The following ABCA13 variants were observed in gnomAD, a reference collection of about 807,000 sequenced individuals.
ABCA13 encodes the protein ATP binding cassette subfamily A member 13, also known as ATP-binding cassette sub-family A member 13.
Under a neutral mutation model 478.7 loss-of-function variants are expected in ABCA13, and 476 were observed. The observed-to-expected ratio is 0.99, with a 90% CI of 0.92 to 1.07. ABCA13 has a LOEUF of 1.07. Among genes scored for constraint, ABCA13 ranks in the 50% least tolerant of loss-of-function variants. ABCA13 has a pLI of 0.00. For missense variants in ABCA13, 6,060 were observed against 5,910.6 expected (o/e 1.03, Z -0.83); for synonymous variants, 2,252 against 2,158.9 (o/e 1.04, Z -1.20).
rs1271945393 is a variant in ABCA13, at chr7:48,188,385, C to G, written c.70-4574C>G. Among the ~76,000 whole-genome samples, 3 of 152,252 alleles carry G rather than the reference C, an allele frequency of 2.0e-5. No individual in the cohort carries two copies. The East Asian group carries it at 5.8e-4, about 29-fold the overall frequency. On this transcript the variant is annotated intron_variant, in intron 1 of 61. Transcript: ENST00000435803. ...TCATTCTCAGTAGCAGTTTTTCCAA[C>G]TCCTCTGTCAGAAGCAGGAGATAAG... is the stretch of plus-strand genomic sequence containing the variant.
chr7:48,471,422 A>G, intron 44 of ABCA13, 108 bp from the exon 45 acceptor site: 2 of 963,020 alleles, frequency 2.1e-6, no homozygotes, highest in Non-Finnish European at 3.2e-6. Flanking sequence ...GCAGTGGGAG[A>G]TGATTATCTT....
chr7:48,352,677 G>T (rs1256449284), intron 31 of ABCA13, among the ~76,000 whole-genome samples, 190 bp downstream of exon 31: 1 of 152,016 alleles, frequency 6.6e-6, no homozygotes, highest in Non-Finnish European at 1.5e-5. Context: ...GAAATATAAT[G>T]GTTGAGATAA....
intron 38 of ABCA13, among the ~76,000 whole-genome samples, chr7:48,400,485 G>T (rs1303772767): frequency 6.6e-6 from 1 of 152,126 alleles, no homozygotes; most frequent in African/African-American, 2.4e-5. Flanking sequence ...AAGGAATTTG[G>T]AAATGTAACT....
intron 15 of ABCA13, among the ~76,000 whole-genome samples, chr7:48,258,668 T>C (rs1179396613): frequency 1.3e-5 from 2 of 152,172 alleles, no homozygotes; most frequent in African/African-American, 2.4e-5. Context: ...GGGGTTGGTT[T>C]GCTCTTGTTT....
chr7:48,422,421 G>A (rs1820892522), intron 41 of ABCA13, among the ~76,000 whole-genome samples: 1 of 152,184 alleles, frequency 6.6e-6, no homozygotes, highest in Non-Finnish European at 1.5e-5. Context: ...GGATGTCACA[G>A]AGCCTGAGTG....
At chr7:48,641,443 A>G (rs1189264721) in intron 59 of ABCA13, among the ~76,000 whole-genome samples, 2 of 152,224 alleles carry the variant, frequency 1.3e-5, no homozygotes, top group South Asian at 2.1e-4. Context: ...AGTGCCAGAC[A>G]TTGTTCCAAG....
intron 1 of ABCA13, among the ~76,000 whole-genome samples, chr7:48,179,149 A>G (rs533749682): frequency 6.6e-6 from 1 of 152,104 alleles, no homozygotes; most frequent in Admixed American, 6.6e-5. Context: ...TTTTTCAATT[A>G]CAGGAAAGGT....
At chr7:48,363,821 CA>C (rs1346654286) in intron 31 of ABCA13, among the ~76,000 whole-genome samples, 1 of 152,038 alleles carries the variant, frequency 6.6e-6, no homozygotes, top group Admixed American at 6.6e-5. Context: ...CTCATTAACT[CA>C]ATTCTAATGA....
At chr7:48,567,847 TC>T (rs1363463964) in intron 55 of ABCA13, among the ~76,000 whole-genome samples, 2 of 152,256 alleles carry the variant, frequency 1.3e-5, no homozygotes, top group African/African-American at 4.8e-5. Flanking sequence ...AGCGATTTTT[TC>T]CTATAAAATC....
At chr7:48,243,928 C>G (rs779230542) in intron 10 of ABCA13, among the ~76,000 whole-genome samples, 4 of 152,244 alleles carry the variant, frequency 2.6e-5, no homozygotes, top group Non-Finnish European at 4.4e-5. Context: ...CTGGGCAGTT[C>G]TGCTGCCCAC....
chr7:48,283,169 C>A (rs562911047), intron 19 of ABCA13, among the ~76,000 whole-genome samples: 1 of 152,116 alleles, frequency 6.6e-6, no homozygotes, highest in African/African-American at 2.4e-5. Context: ...TTCCCAACAT[C>A]CACTATCAGA....
intron 55 of ABCA13, among the ~76,000 whole-genome samples, chr7:48,574,897 G>T (rs1408243652): frequency 6.6e-6 from 1 of 151,976 alleles, no homozygotes. Flanking sequence ...TGTTTTATGG[G>T]CTATTGAAAA....
intron 3 of ABCA13, among the ~76,000 whole-genome samples, chr7:48,199,518 C>A (rs554056685): frequency 5.3e-4 from 80 of 152,292 alleles, no homozygotes; most frequent in African/African-American, 1.8e-3. Flanking sequence ...GATCCAATCA[C>A]CTCCGCTATA....
Position 48,625,551 on chromosome 7 carries a change from G to A in ABCA13, c.14837+10174G>A, listed in dbSNP as rs143791482. 6.6e-5 allele frequency among the ~76,000 whole-genome samples: 10 copies of A among 152,266 alleles called. No individual in the cohort carries two copies. The East Asian group carries it at 7.7e-4, about 12-fold the overall frequency. ...GATAGTGCACCTCCATATCCTCAGC[G>A]TGTTTCACCTCACCTGCTATGTGTA... On this transcript the variant is annotated intron_variant, in intron 59 of 61. Transcript: ENST00000435803.
chr7:48,571,956 T>C (rs1490775135), intron 55 of ABCA13, among the ~76,000 whole-genome samples: 2 of 152,294 alleles, frequency 1.3e-5, no homozygotes, highest in East Asian at 3.9e-4. Flanking sequence ...GGTGGATGGA[T>C]CACTTAAGGT....
At chr7:48,517,103 TTC>T (rs1832183500) in intron 52 of ABCA13, among the ~76,000 whole-genome samples, 1 of 152,222 alleles carries the variant, frequency 6.6e-6, no homozygotes, top group African/African-American at 2.4e-5. Context: ...CGAAAAAATG[TTC>T]TGTTTCGGCC....
chr7:48,560,320 A>T (rs1171757691), intron 55 of ABCA13, among the ~76,000 whole-genome samples: 1 of 152,128 alleles, frequency 6.6e-6, no homozygotes, highest in Non-Finnish European at 1.5e-5. Context: ...TTCAGTGCCA[A>T]GTCCCCCAGT....
chr7:48,243,728 T>C (rs1791234533), intron 10 of ABCA13, among the ~76,000 whole-genome samples: 1 of 152,258 alleles, frequency 6.6e-6, no homozygotes, highest in African/African-American at 2.4e-5. Flanking sequence ...CTGACCACTA[T>C]GGCACAGAAG....
chr7:48,410,607 G>A lies in ABCA13; in HGVS notation c.12158G>A (p.Arg4053Lys). ...RVAVLQHGRL[R>K]CCGPPFCLKE... is the part of the protein sequence containing the mutation. ...GCCGTCCTCCAGCATGGGAGGCTCA[G>A]GTGCTGCGGTCCTCCCTTCTGCCTG... Residue 4053 changes from arginine to lysine, a missense_variant, in exon 40 of 62, where the codon AGG (arginine) becomes AAG (lysine). Transcript: ENST00000435803. 6.2e-7 allele frequency: 1 copy of A among 1,614,048 alleles called. No individual in the cohort carries two copies. The highest frequency in any genetic ancestry group is 8.5e-7 in the Non-Finnish European group (1 of 1,179,894).
Sources: gnomAD v4.1 joint callset for allele counts (sites outside exome capture counted in the v4.1 genomes callset) on GRCh38, gnomAD v4.1.1 for gene constraint, MANE v1.5 for transcripts, NCBI Gene and HGNC (gene_info 2026-07-23, HGNC 2026-07-21) for gene names.